Variants in TFR2 observed in about 807,000 individuals in gnomAD.
TFR2 encodes transferrin receptor 2.
In TFR2, 64 loss-of-function variants were observed where a neutral mutation model predicts 91.9. That is an observed-to-expected ratio of 0.70 (90% CI 0.57 to 0.86). TFR2 has a LOEUF of 0.86. Among genes scored for constraint, TFR2 ranks in the 40% least tolerant of loss-of-function variants. The pLI is 0.00. For missense variants in TFR2, 950 were observed against 1,080.5 expected (o/e 0.88, Z 1.69); for synonymous variants, 454 against 459.6 (o/e 0.99, Z 0.15).
intron 3 of TFR2, among the ~76,000 whole-genome samples, chr7:100,636,870 G>A (rs1441830890): frequency 1.3e-5 from 2 of 151,738 alleles, no homozygotes; most frequent in Non-Finnish European, 2.9e-5. Flanking sequence ...CCCCAAAACT[G>A]CTACTTTTGC....
rs202022975 is a variant in TFR2 at position 100,630,966 on chromosome 7, C to T, written c.1193G>A (p.Arg398Gln). The change falls in exon 9 of 18, where the codon CGG becomes CAG. Residue 398 changes from arginine to glutamine, a missense_variant. Coordinates refer to ENST00000223051, the MANE Select transcript of TFR2 (RefSeq NM_003227.4). ...PYHLGPGPRL[R>Q]LVVNNHRTST... ...GGTCCTGTGATTGTTGACCACTAGC[C>T]GCAGTCGTGGCCCGGGGCCCAGGTG... The T allele has an allele frequency of 2.2e-5, 36 of 1,612,938 alleles. No individual in the cohort carries two copies. In the East Asian group the frequency reaches 5.8e-4, roughly 26 times the overall value.
At chr7:100,631,623 CAAA>C (rs368447138) in intron 8 of TFR2, 180 bp downstream of exon 8, 141 of 594,574 alleles carry the variant, frequency 2.4e-4, no homozygotes, top group South Asian at 3.2e-4. Flanking sequence ...GACTCCATCT[CAAA>C]AAAAAAAAAA....
Position 100,641,439 on chromosome 7 carries a change from G to A in TFR2, c.33+38C>T, listed in dbSNP as rs1462994671. 3.7e-6 allele frequency: 6 copies of A among 1,612,780 alleles called. No individual in the cohort carries two copies. The African/African-American group carries it at 8.0e-5, about 22-fold the overall frequency. ...GGGAGGGGGCTGAGGGACTTAGAGA[G>A]AAGGCCTAAGGGGTCTTCCCAATCC... On this transcript the variant is annotated intron_variant, in intron 1 of 17. Transcript: ENST00000223051.
In TFR2 at chr7:100,641,008, A is replaced by G. The variant is rs1184862016; in HGVS notation, c.254T>C (p.Leu85Pro). Residue 85 changes from leucine to proline, a missense_variant, in exon 2 of 18, where the codon CTG (leucine) becomes CCG (proline). Transcript: ENST00000223051. Reference protein sequence around the residue: ...AAAGRRAAPYLVLTALLIFTG... With the variant: ...AAAGRRAAPYPVLTALLIFTG... ...GAAGATCAGCAGGGCCGTCAGGACC[A>G]GGTAGGGGGCAGCCCTCCGTCCTGC... 6.2e-7 allele frequency: 1 copy of G among 1,605,580 alleles called. No individual in the cohort carries two copies.
rs888754116 is a variant in TFR2, at chr7:100,637,674, G to A, written c.473+3012C>T. On this transcript the variant is annotated intron_variant, in intron 3 of 17. Transcript: ENST00000223051. ...AAGAAAAATGAAAAATTAGCTGGGC[G>A]TGGTGGCCCCTCCCTGTAGACCCAG... Among the ~76,000 whole-genome samples, 16 of 152,050 alleles carry A rather than the reference G, an allele frequency of 1.1e-4. 1 individual carries two copies. Among genetic ancestry groups the A allele is most frequent in the Admixed American group, 2.6e-4 (4 of 15,254 alleles).
chr7:100,629,186 C>T (rs1803356598), intron 10 of TFR2, 67 bp downstream of exon 10: 3 of 1,600,606 alleles, frequency 1.9e-6, no homozygotes, highest in Non-Finnish European at 1.7e-6. Context: ...GCCTCTCTGC[C>T]CTATCCTCCT....
At chr7:100,621,808 T>C (rs1385526515) in intron 17 of TFR2, among the ~76,000 whole-genome samples, 1 of 152,128 alleles carries the variant, frequency 6.6e-6, no homozygotes, top group Non-Finnish European at 1.5e-5. Context: ...TGCTGTTCCG[T>C]CTTTCCTGAG....
At chr7:100,630,867 T>C (rs201334869) in intron 9 of TFR2, 22 bp downstream of exon 9, 2 of 1,611,998 alleles carry the variant, frequency 1.2e-6, no homozygotes, top group East Asian at 4.5e-5. Context: ...CAGCTGTGAG[T>C]GATACTGGAC....
rs766014113 is a variant in TFR2 at position 100,630,854 on chromosome 7, C to A, written c.1270+35G>T. The A allele has an allele frequency of 3.7e-6, 6 of 1,611,682 alleles. No homozygotes were observed. The South Asian group carries it at 5.5e-5, about 15-fold the overall frequency. On this transcript the variant is annotated intron_variant, in intron 9 of 17. Coordinates refer to ENST00000223051, the MANE Select transcript of TFR2 (RefSeq NM_003227.4). ...ATGGGCAGAAATTCCCCCAGCCCACCACCAGCTGTGAGTGATACTGGACAC... is the reference window on the plus strand; with the variant it reads ...ATGGGCAGAAATTCCCCCAGCCCACAACCAGCTGTGAGTGATACTGGACAC...
chr7:100,621,668 CCTT>C (rs1043308285), intron 17 of TFR2, among the ~76,000 whole-genome samples: 1 of 152,158 alleles, frequency 6.6e-6, no homozygotes, highest in African/African-American at 2.4e-5. Context: ...CCTGCTGTTC[CCTT>C]CTTAACACCA....
intron 3 of TFR2, among the ~76,000 whole-genome samples, chr7:100,638,284 T>C (rs1053742906): frequency 6.6e-6 from 1 of 151,414 alleles, no homozygotes; most frequent in African/African-American, 2.4e-5. Context: ...ATTACAGGTG[T>C]GAGCCACCAT....
rs3076877 is a variant in TFR2 at position 100,634,177 on chromosome 7, A to AACACACACACACACACACAC, written c.474-641_474-622dup. Among the ~76,000 whole-genome samples, 294 of 132,788 alleles carry AACACACACACACACACACAC rather than the reference A, an allele frequency of 2.2e-3. 5 individuals are homozygous for AACACACACACACACACACAC. In the East Asian group the frequency reaches 0.024, roughly 11 times the overall value. 87.1% of individuals were successfully genotyped at this position (132,788 alleles called of 152,430 possible). A position where few individuals can be genotyped will look rare whatever the true frequency, so the allele number is the denominator to read the frequency against. On this transcript the variant is annotated intron_variant, in intron 3 of 17. Coordinates refer to ENST00000223051, the MANE Select transcript of TFR2 (RefSeq NM_003227.4). ...CCCCAACCTCGTTCCTCCCGACGTC[A>AACACACACACACACACACAC]ACACACACACACACACACACACACA...
chr7:100,635,375 G>A lies in TFR2; in HGVS notation c.474-1819C>T, dbSNP rs554784779. 5.3e-5 allele frequency among the ~76,000 whole-genome samples: 8 copies of A among 151,658 alleles called. No homozygotes were observed. In the South Asian group the frequency reaches 1.0e-3, roughly 20 times the overall value. ...TCCTGCCTCAGCCTCCTGAATAGCC[G>A]GGACTCTAGGCATGCACCACCATAC... On this transcript the variant is annotated intron_variant, in intron 3 of 17. Transcript: ENST00000223051.
Position 100,633,460 on chromosome 7 carries a change from G to A in TFR2, c.570C>T (p.His190=), listed in dbSNP as rs1178849216. The A allele has an allele frequency of 3.1e-6, 5 of 1,612,898 alleles. No homozygotes were observed. The highest frequency in any genetic ancestry group is 2.2e-5 in the East Asian group (1 of 44,846). ...CCACGTAGTGCGTGTCGGTCCACAC[G>A]TGGTCCAGCTTCTGGCGGGAGAGCG... The part of the protein sequence containing the change: ...RAALSRQKLD[H]VWTDTHYVGL... The change falls in exon 4 of 18, where the codon CAC becomes CAT. Residue 190 remains histidine, a synonymous_variant. Coordinates refer to ENST00000223051, the MANE Select transcript of TFR2 (RefSeq NM_003227.4).
chr7:100,620,806 G>T lies in TFR2; in HGVS notation c.*51C>A. ...CCTGACCCTGAATCATTCAAGCGAG[G>T]AGCAGAGGAGCTCTTGACTGGGGGA... On this transcript the variant is annotated 3_prime_UTR_variant, in exon 18 of 18. Coordinates refer to ENST00000223051, the MANE Select transcript of TFR2 (RefSeq NM_003227.4). 8 of 1,611,762 alleles carry T rather than the reference G, an allele frequency of 5.0e-6. No individual in the cohort carries two copies. Among genetic ancestry groups the T allele is most frequent in the South Asian group, 1.1e-5 (1 of 90,514 alleles).
Position 100,641,071 on chromosome 7 carries a change from G to C in TFR2, c.191C>G (p.Ser64Cys), listed in dbSNP as rs200249435. The C allele has an allele frequency of 6.2e-7, 1 of 1,603,160 alleles. No individual in the cohort carries two copies. Among genetic ancestry groups the C allele is most frequent in the South Asian group, 1.1e-5 (1 of 90,028 alleles). The change falls in exon 2 of 18, where the codon TCT becomes TGT. Residue 64 changes from serine (S) to cysteine (C), a missense_variant. Transcript: ENST00000223051. ...AATGAGGTTTGGCTGCCTGGGTCTA[G>C]AGCCCAGGGGCTCAGGGCCCCTCAG... ...MELRGPEPLG[S>C]RPRQPNLIPW...
Position 100,628,223 on chromosome 7 carries a change from C to T in TFR2, c.1473+1G>A, listed in dbSNP as rs2131313564. 1.2e-6 allele frequency: 2 copies of T among 1,613,640 alleles called. No individual in the cohort carries two copies. Among genetic ancestry groups the T allele is most frequent in the Middle Eastern group, 3.3e-4 (2 of 6,062 alleles). On this transcript the variant is annotated splice_donor_variant, in intron 11 of 17. Coordinates refer to ENST00000223051, the MANE Select transcript of TFR2 (RefSeq NM_003227.4). LOFTEE classifies it high-confidence loss of function. Reference sequence around the variant, plus strand: ...ACGACCTGCCCGGGACCCCGTATCACCTCTAGCCACTCCGTGGAGCCCACG... The same window carrying T: ...ACGACCTGCCCGGGACCCCGTATCATCTCTAGCCACTCCGTGGAGCCCACG...
At position 100,627,982 on chromosome 7, in the gene TFR2, AAGGGG is replaced by A. The variant is rs778860645; in HGVS notation, c.1538-13_1538-9del. The A allele has an allele frequency of 6.2e-6, 10 of 1,613,962 alleles. No homozygotes were observed. The highest frequency in any genetic ancestry group is 8.5e-6 in the Non-Finnish European group (10 of 1,179,898). On this transcript the variant is annotated splice_polypyrimidine_tract_variant and intron_variant, in intron 12 of 17. Transcript: ENST00000223051. ...CATGAAACTTGTCATCCCCTGGAAA[AAGGGG>A]AGGGGAGGGATGCCAGGCTCAGGGC... is the stretch of plus-strand genomic sequence containing the variant.
intron 3 of TFR2, among the ~76,000 whole-genome samples, chr7:100,637,857 G>A (rs1240717312): frequency 1.3e-5 from 2 of 150,144 alleles, no homozygotes; most frequent in African/African-American, 2.5e-5. Context: ...TTGAGATGGA[G>A]TTTCACTCTT....
Sources: gnomAD v4.1 joint callset for allele counts (sites outside exome capture counted in the v4.1 genomes callset) on GRCh38, gnomAD v4.1.1 for gene constraint, MANE v1.5 for transcripts, NCBI Gene and HGNC (gene_info 2026-07-23, HGNC 2026-07-21) for gene names.